The following FBN1 variants were observed in gnomAD, a reference collection of about 807,000 sequenced individuals.
FBN1 encodes the protein fibrillin 1.
A neutral mutation model predicts 365.1 loss-of-function variants in FBN1; 29 were observed. The observed-to-expected ratio is 0.08, with a 90% CI of 0.06 to 0.11. The LOEUF (loss-of-function observed/expected upper bound fraction) is 0.11. FBN1 is among the 10% of genes least tolerant of loss of function. The probability of loss-of-function intolerance (pLI) is 1.00; values close to 1 mark genes in which losing one functional copy is unlikely to be tolerated. For synonymous variants in FBN1, 1,210 were observed against 1,270.5 expected, an observed-to-expected ratio of 0.95 and a Z score of 1.01; for missense variants, 2,476 against 3,703.2, an observed-to-expected ratio of 0.67 and a Z score of 8.60.
chr15:48,470,561 T>A, intron 36 of FBN1, 73 bp downstream of exon 36: 10 of 1,603,064 alleles, frequency 6.2e-6, no homozygotes, highest in Non-Finnish European at 8.5e-6. Flanking sequence ...CCTTGTGTAG[T>A]CCCAGGGAGG....
At chr15:48,543,606 C>T (rs1756015766) in intron 6 of FBN1, among the ~76,000 whole-genome samples, 1 of 152,158 alleles carries the variant, frequency 6.6e-6, no homozygotes, top group Non-Finnish European at 1.5e-5. Context: ...AAGGAAACAA[C>T]CAGAAAACTC....
intron 5 of FBN1, among the ~76,000 whole-genome samples, chr15:48,599,042 A>T (rs1419214620): frequency 1.3e-5 from 2 of 152,170 alleles, no homozygotes; most frequent in African/African-American, 4.8e-5. Flanking sequence ...ATGATTATGA[A>T]GCCTCCCCAG....
rs2043316400 is a variant in FBN1, at chr15:48,465,849, T to C, written c.4757A>G (p.Lys1586Arg). Residue 1586 changes from lysine to arginine, a missense_variant, in exon 39 of 66, where the codon AAA becomes AGA. Physicochemically the swap from Lys to Arg is conservative, Grantham distance 26 (BLOSUM62 2). Transcript: ENST00000316623. ...MCPAVNTSEY[K>R]ILCPGGEGFR... is the part of the protein sequence containing the mutation. ...ACCTTCCCCTCCAGGACAAAGAATT[T>C]TGTACTCGGCTATTGAAACAAAAAT... The C allele has an allele frequency of 6.2e-7, 1 of 1,612,798 alleles. No individual in the cohort carries two copies. The highest frequency in any genetic ancestry group is 1.1e-5 in the South Asian group (1 of 91,048).
chr15:48,491,658 T>TA (rs1319931185), intron 24 of FBN1, among the ~76,000 whole-genome samples: 1 of 152,130 alleles, frequency 6.6e-6, no homozygotes, highest in Admixed American at 6.5e-5. Context: ...GCCCACTTTT[T>TA]TAACTACCTA....
intron 5 of FBN1, among the ~76,000 whole-genome samples, chr15:48,598,836 T>A (rs1173999434): frequency 6.6e-6 from 1 of 152,208 alleles, no homozygotes; most frequent in African/African-American, 2.4e-5. Flanking sequence ...CACCCAAATC[T>A]CATCTTGAAT....
intron 32 of FBN1, among the ~76,000 whole-genome samples, chr15:48,480,442 A>T (rs1395872804): frequency 6.6e-6 from 1 of 152,152 alleles, no homozygotes; most frequent in African/African-American, 2.4e-5. Flanking sequence ...TTGAGAGTTT[A>T]AACACTGTGC....
At chr15:48,470,940 G>A (rs1326192424) in intron 35 of FBN1, among the ~76,000 whole-genome samples, 184 bp from the exon 36 acceptor site, 1 of 152,158 alleles carries the variant, frequency 6.6e-6, no homozygotes, top group African/African-American at 2.4e-5. Flanking sequence ...GTAGGTGAGA[G>A]GTTACTTTTC....
At chr15:48,469,080 A>ATATATATATATATAAAATATAATATATAT (rs1597549702) in intron 36 of FBN1, among the ~76,000 whole-genome samples, 2 of 84,054 alleles carry the variant, frequency 2.4e-5, no homozygotes, top group Non-Finnish European at 4.7e-5. Context: ...AAAAAAAAAA[A>ATATATATATATATAAAATATAATATATAT]TATATATATA....
At chr15:48,562,002 G>T (rs1225782078) in intron 6 of FBN1, among the ~76,000 whole-genome samples, 1 of 152,122 alleles carries the variant, frequency 6.6e-6, no homozygotes, top group Non-Finnish European at 1.5e-5. Context: ...TTTTGATTCT[G>T]CTGGGGGCCA....
At chr15:48,428,571 C>A in intron 56 of FBN1, 100 bp from the exon 57 acceptor site, 1 of 1,324,494 alleles carries the variant, frequency 7.6e-7, no homozygotes, top group South Asian at 1.2e-5. Flanking sequence ...TCCCTCCCTC[C>A]TTCCCTCCCT....
chr15:48,453,491 G>T (rs1390443206), intron 44 of FBN1, among the ~76,000 whole-genome samples: 1 of 152,122 alleles, frequency 6.6e-6, no homozygotes, highest in African/African-American at 2.4e-5. Flanking sequence ...CCAGGGGTTA[G>T]GGGAGATTAG....
chr15:48,516,067 A>G, intron 11 of FBN1, 116 bp downstream of exon 11: 1 of 1,084,420 alleles, frequency 9.2e-7, no homozygotes, highest in South Asian at 1.4e-5. Context: ...GTAAACCAAA[A>G]ATTAATATAA....
chr15:48,584,647 T>C (rs1300474445), intron 6 of FBN1, among the ~76,000 whole-genome samples: 1 of 152,122 alleles, frequency 6.6e-6, no homozygotes, highest in Non-Finnish European at 1.5e-5. Context: ...TTATTCTGCT[T>C]GGCAATGTGG....
chr15:48,628,478 G>A (rs1889928154), intron 2 of FBN1, among the ~76,000 whole-genome samples: 1 of 152,010 alleles, frequency 6.6e-6, no homozygotes, highest in Non-Finnish European at 1.5e-5. Flanking sequence ...AAAACACATT[G>A]AGTGCTTCCA....
chr15:48,616,004 A>G (rs966896877), intron 2 of FBN1, among the ~76,000 whole-genome samples: 13 of 152,212 alleles, frequency 8.5e-5, no homozygotes, highest in Admixed American at 8.5e-4. Context: ...ATTTTAAAAT[A>G]TACGCTCTTC....
chr15:48,548,382 T>A (rs1212310222), intron 6 of FBN1, among the ~76,000 whole-genome samples: 1 of 152,224 alleles, frequency 6.6e-6, no homozygotes, highest in Non-Finnish European at 1.5e-5. Flanking sequence ...ACACCCCAGG[T>A]ACACATGATG....
rs1387805143 is a variant in FBN1, at chr15:48,488,002, C to A, written c.3337+111G>T. The stretch of plus-strand genomic sequence containing the variant: ...CCCTCTGTTGCAGACTGATTCCTAA[C>A]TTCACTGGTTGCACTGGGGCAGCAG... On this transcript the variant is annotated intron_variant, in intron 27 of 65. Transcript: ENST00000316623. 3 of 1,399,218 alleles carry A rather than the reference C, an allele frequency of 2.1e-6. No homozygotes were observed. In the East Asian group the frequency reaches 6.8e-5, roughly 32 times the overall value. The allele number at this position is 1,399,218 out of a possible 1,614,324, so 86.7% of individuals were successfully genotyped here. A position where few individuals can be genotyped will look rare whatever the true frequency, so the allele number is the denominator to read the frequency against.
intron 55 of FBN1, 120 bp from the exon 56 acceptor site, chr15:48,430,922 G>A: frequency 1.1e-6 from 1 of 906,776 alleles, no homozygotes; most frequent in Non-Finnish European, 1.7e-6. Context: ...TTTCACTACT[G>A]GCTGTATTTC....
At chr15:48,513,468 T>C in intron 13 of FBN1, 81 bp downstream of exon 13, 1 of 1,599,772 alleles carries the variant, frequency 6.3e-7, no homozygotes, top group Non-Finnish European at 8.6e-7. Flanking sequence ...ATGGGTTATT[T>C]AAACTCCATG....
Sources: gnomAD v4.1 joint callset for allele counts (sites outside exome capture counted in the v4.1 genomes callset) on GRCh38, gnomAD v4.1.1 for gene constraint, MANE v1.5 for transcripts, NCBI Gene and HGNC (gene_info 2026-07-23, HGNC 2026-07-21) for gene names.